KIF13B: variants seen among roughly 807,000 people sequenced by gnomAD.
KIF13B encodes the protein kinesin family member 13B, also known as kinesin-like protein KIF13B.
A neutral mutation model predicts 222.0 loss-of-function variants in KIF13B; 127 were observed. The observed-to-expected ratio is 0.57, with a 90% confidence interval of 0.50 to 0.66. The LOEUF (loss-of-function observed/expected upper bound fraction) is 0.66, where lower values mean the gene tolerates loss of function less well. Ranked by LOEUF, KIF13B falls within the 30% of genes least tolerant of loss-of-function variation. The pLI is 0.00. For synonymous variants in KIF13B, 976 were observed against 919.0 expected, an observed-to-expected ratio of 1.06 and a Z score of -1.12; for missense variants, 2,173 against 2,379.0, an observed-to-expected ratio of 0.91 and a Z score of 1.80.
At chr8:29,165,036 C>G (rs373046767) in intron 12 of KIF13B, among the ~76,000 whole-genome samples, 2 of 152,092 alleles carry the variant, frequency 1.3e-5, no homozygotes, top group Non-Finnish European at 2.9e-5. Flanking sequence ...TTGGTAGAAA[C>G]AGGGTTTTGA....
At chr8:29,079,383 T>G (rs1166745794) in intron 37 of KIF13B, among the ~76,000 whole-genome samples, 1 of 152,254 alleles carries the variant, frequency 6.6e-6, no homozygotes, top group Non-Finnish European at 1.5e-5. Flanking sequence ...CACCCTGCAC[T>G]GTCTCTTCAT....
At chr8:29,225,478 C>A (rs766323997) in intron 2 of KIF13B, among the ~76,000 whole-genome samples, 7 of 152,136 alleles carry the variant, frequency 4.6e-5, no homozygotes, top group Admixed American at 1.3e-4. Flanking sequence ...AGGTCAAAGG[C>A]TGTTGAAATG....
intron 2 of KIF13B, among the ~76,000 whole-genome samples, chr8:29,233,560 T>C (rs774795075): frequency 2.6e-5 from 4 of 152,264 alleles, no homozygotes; most frequent in Non-Finnish European, 5.9e-5. Context: ...GCACATTATC[T>C]AGATCAGAGA....
intron 35 of KIF13B, among the ~76,000 whole-genome samples, chr8:29,102,794 G>C (rs893301678): frequency 6.6e-6 from 1 of 152,182 alleles, no homozygotes; most frequent in African/African-American, 2.4e-5. Flanking sequence ...GAAGGCGATG[G>C]AGCCAACACA....
chr8:29,263,196 G>T, upstream of KIF13B: 1 of 610,568 alleles, frequency 1.6e-6, no homozygotes, highest in Non-Finnish European at 2.7e-6. Context: ...TGTATGGCGG[G>T]ACTTGTAGTT....
intron 2 of KIF13B, among the ~76,000 whole-genome samples, chr8:29,218,030 G>A (rs981701025): frequency 2.6e-5 from 4 of 152,122 alleles, no homozygotes; most frequent in African/African-American, 9.7e-5. Flanking sequence ...TTTCCTACAT[G>A]TGAAATACTC....
intron 1 of KIF13B, among the ~76,000 whole-genome samples, chr8:29,258,488 CG>C (rs773006387): frequency 1.6e-4 from 25 of 152,178 alleles, no homozygotes; most frequent in Non-Finnish European, 3.1e-4. Context: ...ACCCTAGGTC[CG>C]GACTTCTGGC....
intron 35 of KIF13B, among the ~76,000 whole-genome samples, chr8:29,105,650 GTTT>G (rs869030059): frequency 3.8e-5 from 3 of 78,070 alleles, no homozygotes; most frequent in Non-Finnish European, 4.3e-5. Context: ...AGTTTGTTTG[GTTT>G]TTTTTTTTTT....
intron 28 of KIF13B, 76 bp from the exon 29 acceptor site, chr8:29,122,722 TG>T: frequency 8.5e-7 from 1 of 1,180,088 alleles, no homozygotes; most frequent in South Asian, 1.3e-5. Flanking sequence ...ACAGCCTTAA[TG>T]GCATTCAGGG....
intron 21 of KIF13B, among the ~76,000 whole-genome samples, chr8:29,137,858 G>A (rs1247204926): frequency 6.6e-6 from 1 of 152,196 alleles, no homozygotes; most frequent in African/African-American, 2.4e-5. Flanking sequence ...GAAGGTTAGA[G>A]TTATGACAAC....
intron 3 of KIF13B, among the ~76,000 whole-genome samples, chr8:29,195,001 A>G (rs1813353408): frequency 6.6e-6 from 1 of 152,188 alleles, no homozygotes; most frequent in South Asian, 2.1e-4. Context: ...TAATCCCAGC[A>G]CTTTGGGAGG....
In KIF13B at chr8:29,245,396, G is replaced by C. The variant is rs1177291765; in HGVS notation, c.99C>G (p.Asn33Lys). The change falls in exon 2 of 40, where the codon AAC becomes AAG. Residue 33 changes from asparagine (N) to lysine (K), a missense_variant. Physicochemically the swap from Asn to Lys is moderately conservative, Grantham distance 94. Transcript: ENST00000524189. ...TATTTACAGGATTAAGAATAACCTT[G>C]TTTGCATCCACATCCACCACACATT... ...HTKCVVDVDA[N>K]KVILNPVNTN... 1.2e-6 allele frequency: 2 copies of C among 1,603,376 alleles called. No individual in the cohort carries two copies. Among genetic ancestry groups the C allele is most frequent in the African/African-American group, 2.7e-5 (2 of 74,806 alleles).
At chr8:29,102,307 C>T (rs972738201) in intron 35 of KIF13B, among the ~76,000 whole-genome samples, 3 of 152,240 alleles carry the variant, frequency 2.0e-5, no homozygotes, top group African/African-American at 7.2e-5. Context: ...AATCTCTGAT[C>T]TGTCTCCAAC....
chr8:29,217,368 G>T (rs1814532839), intron 2 of KIF13B, among the ~76,000 whole-genome samples: 1 of 152,240 alleles, frequency 6.6e-6, no homozygotes, highest in Non-Finnish European at 1.5e-5. Flanking sequence ...TGAATTGCCT[G>T]GTTGTGAATC....
intron 19 of KIF13B, 95 bp from the exon 20 acceptor site, chr8:29,140,712 TTAAC>T (rs1563734784): frequency 2.7e-6 from 3 of 1,119,906 alleles, no homozygotes; most frequent in Non-Finnish European, 3.8e-6. Flanking sequence ...GTTATTAAAC[TTAAC>T]TTTCATCATC....
intron 37 of KIF13B, among the ~76,000 whole-genome samples, chr8:29,076,967 C>G (rs927448493): frequency 6.6e-6 from 1 of 152,000 alleles, no homozygotes; most frequent in African/African-American, 2.4e-5. Context: ...AAAGCAAGAC[C>G]CTGTGTCAAA....
intron 2 of KIF13B, among the ~76,000 whole-genome samples, chr8:29,236,617 A>G (rs1378418230): frequency 6.6e-6 from 1 of 152,218 alleles, no homozygotes; most frequent in African/African-American, 2.4e-5. Flanking sequence ...ACTACTCTTA[A>G]TAATTATGAC....
At chr8:29,218,428 G>C (rs1332368700) in intron 2 of KIF13B, among the ~76,000 whole-genome samples, 1 of 152,170 alleles carries the variant, frequency 6.6e-6, no homozygotes, top group African/African-American at 2.4e-5. Context: ...TTAGACATGA[G>C]ACCTTAAACT....
At chr8:29,231,481 G>A (rs758141997) in intron 2 of KIF13B, among the ~76,000 whole-genome samples, 6 of 152,154 alleles carry the variant, frequency 3.9e-5, no homozygotes, top group Non-Finnish European at 8.8e-5. Context: ...ACTAAGGAGG[G>A]GTAATCACTG....
Sources: allele counts gnomAD v4.1 joint callset (sites outside exome capture counted in the v4.1 genomes callset), GRCh38; gene constraint gnomAD v4.1.1; transcripts MANE v1.5; gene names NCBI Gene and HGNC (gene_info 2026-07-23, HGNC 2026-07-21).